Variants in KMT2C observed in about 807,000 individuals in gnomAD.
KMT2C encodes lysine methyltransferase 2C.
Under a neutral mutation model 507.9 loss-of-function variants are expected in KMT2C, and 88 were observed. The observed-to-expected ratio is 0.17, with a 90% CI of 0.15 to 0.21. The LOEUF (loss-of-function observed/expected upper bound fraction) is 0.21. KMT2C is among the 10% of genes least tolerant of loss of function. KMT2C has a pLI of 1.00. For synonymous variants in KMT2C, 2,049 were observed against 2,080.8 expected (o/e 0.98, Z 0.42); for missense variants, 4,954 against 5,957.8 (o/e 0.83, Z 5.55).
intron 2 of KMT2C, among the ~76,000 whole-genome samples, chr7:152,334,166 G>A (rs1339348685): frequency 6.6e-6 from 1 of 152,100 alleles, no homozygotes; most frequent in Non-Finnish European, 1.5e-5. Context: ...GTAGAACGTA[G>A]ACAAAGGGGC....
At chr7:152,166,067 A>G (rs2092713990) in intron 42 of KMT2C, among the ~76,000 whole-genome samples, 1 of 152,142 alleles carries the variant, frequency 6.6e-6, no homozygotes, top group Non-Finnish European at 1.5e-5. Context: ...AGAAAGATGT[A>G]GATAAGACAA....
At chr7:152,310,313 C>T (rs1458262289) in intron 5 of KMT2C, among the ~76,000 whole-genome samples, 1 of 152,216 alleles carries the variant, frequency 6.6e-6, no homozygotes, top group Non-Finnish European at 1.5e-5. Flanking sequence ...CAGTGGCTCA[C>T]TCCTGTAATC....
intron 18 of KMT2C, among the ~76,000 whole-genome samples, chr7:152,227,947 G>C (rs1332037680): frequency 6.6e-6 from 1 of 152,216 alleles, no homozygotes; most frequent in African/African-American, 2.4e-5. Flanking sequence ...CAAGTCTTAA[G>C]TATAGGGTTA....
chr7:152,352,195 G>A (rs2097117131), intron 2 of KMT2C, among the ~76,000 whole-genome samples: 1 of 152,178 alleles, frequency 6.6e-6, no homozygotes, highest in Non-Finnish European at 1.5e-5. Flanking sequence ...GATGAAATAA[G>A]TCCCAGTCTC....
In KMT2C at chr7:152,416,868, T is replaced by C. The variant is rs546042521; in HGVS notation, c.161+18758A>G. Among the ~76,000 whole-genome samples the C allele has an allele frequency of 2.7e-3, 412 of 151,012 alleles. 4 individuals are homozygous for C. Among genetic ancestry groups the C allele is most frequent in the Non-Finnish European group, 3.2e-3 (214 of 67,794 alleles). On this transcript the variant is annotated intron_variant, in intron 1 of 58. Coordinates refer to ENST00000262189, the MANE Select transcript of KMT2C (RefSeq NM_170606.3). The stretch of plus-strand genomic sequence containing the variant: ...GAGTTCAAGACTAGCCTGGCCAACA[T>C]GGTAAACCTTGTCTCTACTAAAATC...
intron 1 of KMT2C, among the ~76,000 whole-genome samples, chr7:152,413,191 T>C (rs2097699832): frequency 6.6e-6 from 1 of 152,196 alleles, no homozygotes; most frequent in South Asian, 2.1e-4. Flanking sequence ...TTTACCTCAC[T>C]GCAGCCTCGA....
intron 1 of KMT2C, among the ~76,000 whole-genome samples, chr7:152,417,691 G>C (rs1033753203): frequency 6.6e-6 from 1 of 152,090 alleles, no homozygotes; most frequent in Admixed American, 6.6e-5. Context: ...GCCCAGGCTG[G>C]AGTGTAGTGG....
At chr7:152,140,583 G>A (rs2090424783) in intron 55 of KMT2C, among the ~76,000 whole-genome samples, 1 of 152,116 alleles carries the variant, frequency 6.6e-6, no homozygotes, top group South Asian at 2.1e-4. Flanking sequence ...CTGACTAGAA[G>A]GCAACTGAAT....
intron 2 of KMT2C, among the ~76,000 whole-genome samples, chr7:152,331,659 T>C (rs2096884698): frequency 6.8e-6 from 1 of 146,338 alleles, no homozygotes; most frequent in Non-Finnish European, 1.5e-5. Context: ...TTTTTTTTTT[T>C]TTTTTTTTGA....
In KMT2C at chr7:152,273,805, C is replaced by T. The variant is rs1466724239; in HGVS notation, c.912G>A (p.Gln304=). The change falls in exon 7 of 59, where the codon CAG becomes CAA. Residue 304 remains glutamine (Q), a synonymous_variant. Transcript: ENST00000262189. ...CTGCAGCACAAGGATAATGATACAT[C>T]TGGGTACATTTCTCTTCACAGCATT... ...TIKCCEEKCT[Q]MYHYPCAAGA... 1.7e-5 allele frequency: 28 copies of T among 1,613,250 alleles called. No individual in the cohort carries two copies. Among genetic ancestry groups the T allele is most frequent in the Non-Finnish European group, 2.2e-5 (26 of 1,179,366 alleles).
chr7:152,279,077 T>C (rs890079705), intron 6 of KMT2C, among the ~76,000 whole-genome samples: 1 of 152,170 alleles, frequency 6.6e-6, no homozygotes, highest in African/African-American at 2.4e-5. Context: ...TGTCCACATA[T>C]TTTAAAAAGC....
rs73730360 is a variant in KMT2C, at chr7:152,152,570, C to A, written c.12526+135G>T. On this transcript the variant is annotated intron_variant, in intron 49 of 58. Coordinates refer to ENST00000262189, the MANE Select transcript of KMT2C (RefSeq NM_170606.3). ...CAGCACAGAAAACAGAACACCCACACATGGTAAGTTCACCAAGGACTATAC... is the reference window on the plus strand; with the variant it reads ...CAGCACAGAAAACAGAACACCCACAAATGGTAAGTTCACCAAGGACTATAC... 2,395 of 1,055,818 alleles carry A rather than the reference C, an allele frequency of 2.3e-3. 50 individuals carry two copies. In the African/African-American group the frequency reaches 0.034, roughly 15 times the overall value. The allele number at this position is 1,055,818 out of a possible 1,614,324, so 65.4% of individuals were successfully genotyped here.
chr7:152,169,374 T>G (rs2092862472), intron 40 of KMT2C, 125 bp from the exon 41 acceptor site: 1 of 629,216 alleles, frequency 1.6e-6, no homozygotes, highest in African/African-American at 1.8e-5. Context: ...TAAGATATCT[T>G]TTAAAGGTTT....
At chr7:152,309,869 T>A in intron 6 of KMT2C, 97 bp downstream of exon 6, 1 of 779,808 alleles carries the variant, frequency 1.3e-6, no homozygotes. Flanking sequence ...TGAGAGCTTT[T>A]ACACTACAGC....
chr7:152,212,377 A>ATGCC (rs2094474650), intron 23 of KMT2C, among the ~76,000 whole-genome samples: 1 of 152,238 alleles, frequency 6.6e-6, no homozygotes, highest in South Asian at 2.1e-4. Context: ...CAAGGCAAGG[A>ATGCC]TGCCTACTCT....
intron 31 of KMT2C, among the ~76,000 whole-genome samples, chr7:152,189,514 A>T (rs1034806878): frequency 6.6e-5 from 10 of 151,456 alleles, no homozygotes; most frequent in Non-Finnish European, 1.2e-4. Flanking sequence ...CCATTAGATT[A>T]AAAAAAAAGT....
Position 152,183,164 on chromosome 7 carries a change from A to G in KMT2C, c.5083-8T>C. ...GTTATCTCTGGCTTTTTGCTTTGAC[A>G]AAAGAAGAGAAAAAAATTTCCCAGA... On this transcript the variant is annotated splice_polypyrimidine_tract_variant and splice_region_variant and intron_variant, in intron 34 of 58. Coordinates refer to ENST00000262189, the MANE Select transcript of KMT2C (RefSeq NM_170606.3). 1 of 1,518,328 alleles carries G rather than the reference A, an allele frequency of 6.6e-7. No individual in the cohort carries two copies. The highest frequency in any genetic ancestry group is 1.4e-5 in the African/African-American group (1 of 69,852). 94.1% of individuals were successfully genotyped at this position (1,518,328 alleles called of 1,614,324 possible).
rs1365999197 is a variant in KMT2C, at chr7:152,179,662, G to C, written c.7442+172C>G. On this transcript the variant is annotated intron_variant, in intron 37 of 58. Coordinates refer to ENST00000262189, the MANE Select transcript of KMT2C (RefSeq NM_170606.3). ...TTTTTAAATTTGTTGAAGAGGTTGGGGGGGGGGGGGGGTGGTCTCACTATA... is the reference window on the plus strand; with the variant it reads ...TTTTTAAATTTGTTGAAGAGGTTGGCGGGGGGGGGGGGTGGTCTCACTATA... Among the ~76,000 whole-genome samples the C allele has an allele frequency of 4.9e-3, 227 of 46,516 alleles. 2 individuals carry two copies. Among genetic ancestry groups the C allele is most frequent in the Middle Eastern group, 0.01 (1 of 96 alleles). 30.5% of individuals were successfully genotyped at this position (46,516 alleles called of 152,430 possible). A position where few individuals can be genotyped will look rare whatever the true frequency, so the allele number is the denominator to read the frequency against.
rs764649710 is a variant in KMT2C, at chr7:152,154,331, C to A, written c.12075G>T (p.Lys4025Asn). 1 of 1,614,194 alleles carries A rather than the reference C, an allele frequency of 6.2e-7. No homozygotes were observed. The highest frequency in any genetic ancestry group is 2.2e-5 in the East Asian group (1 of 44,886). ...ACGGCACCGGTTCTGGAGGCTCCTC[C>A]TTGACCAATGACAGATCTGGATACC... ...VSRYPDLSLV[K>N]EEPPEPVPSP... Residue 4025 changes from lysine to asparagine, a missense_variant, in exon 47 of 59, where the codon AAG (lysine) becomes AAT (asparagine). Coordinates refer to ENST00000262189, the MANE Select transcript of KMT2C (RefSeq NM_170606.3).
Sources: gnomAD v4.1 joint callset for allele counts (sites outside exome capture counted in the v4.1 genomes callset) on GRCh38, gnomAD v4.1.1 for gene constraint, MANE v1.5 for transcripts, NCBI Gene and HGNC (gene_info 2026-07-23, HGNC 2026-07-21) for gene names.